Variants in ROPN1L observed in about 807,000 individuals in gnomAD.
ROPN1L encodes ropporin-1-like protein.
A neutral mutation model predicts 22.7 loss-of-function variants in ROPN1L; 23 were observed. That is an observed-to-expected ratio of 1.01 (90% CI 0.73 to 1.43). ROPN1L has a LOEUF of 1.43. Among genes scored for constraint, ROPN1L ranks in the 40% most tolerant of loss-of-function variants. ROPN1L has a pLI of 0.00. For missense variants in ROPN1L, 271 were observed against 291.5 expected, an observed-to-expected ratio of 0.93 and a Z score of 0.51; for synonymous variants, 116 against 117.8, an observed-to-expected ratio of 0.98 and a Z score of 0.10.
chr5:10,473,511 C>T (rs186512830), downstream of ROPN1L, among the ~76,000 whole-genome samples: 1 of 152,242 alleles, frequency 6.6e-6, no homozygotes, highest in East Asian at 1.9e-4. Context: ...AGGGTCCTGC[C>T]GATACCTTGA....
chr5:10,453,207 T>C (rs1049557041), intron 3 of ROPN1L, among the ~76,000 whole-genome samples: 13 of 152,192 alleles, frequency 8.5e-5, no homozygotes, highest in African/African-American at 3.1e-4. Context: ...AGCTGACCTC[T>C]CCTCCCTCAG....
chr5:10,444,770 G>A lies in ROPN1L; in HGVS notation c.131+2472G>A, dbSNP rs141396508. Reference sequence around the variant, plus strand: ...AAAAATTAGCTTGGTGTGGTGGCACGCATCTGTAGTCCCAGTTACATGGGA... The same window carrying A: ...AAAAATTAGCTTGGTGTGGTGGCACACATCTGTAGTCCCAGTTACATGGGA... On this transcript the variant is annotated intron_variant, in intron 1 of 4. Transcript: ENST00000274134. Among the ~76,000 whole-genome samples, 142 of 151,218 alleles carry A rather than the reference G, an allele frequency of 9.4e-4. 2 individuals carry two copies. In the East Asian group the frequency reaches 0.023, roughly 25 times the overall value.
intron 3 of ROPN1L, among the ~76,000 whole-genome samples, chr5:10,452,315 CTGTGTGTGTG>C (rs70947209): frequency 1.6e-5 from 2 of 125,462 alleles, no homozygotes; most frequent in Admixed American, 8.3e-5. Flanking sequence ...GTGTGTGTGT[CTGTGTGTGTG>C]TGTGTGTGTG....
At position 10,470,158 on chromosome 5, in the gene ROPN1L, G is replaced by A. The variant is rs541670208; in HGVS notation, n.886-1652G>A. Among the ~76,000 whole-genome samples, 252 of 152,308 alleles carry A rather than the reference G, an allele frequency of 1.7e-3. 1 individual carries two copies. Among genetic ancestry groups the A allele is most frequent in the Non-Finnish European group, 2.9e-3 (198 of 68,022 alleles). On this transcript the variant is annotated intron_variant and non_coding_transcript_variant, in intron 4 of 4. Coordinates refer to the ROPN1L transcript ENST00000510520. The stretch of plus-strand genomic sequence containing the variant: ...CAAGTCTTAAACATTCTCAGAGGTC[G>A]ATGAAACCCTTGTCAGCCTGCGGCT...
Position 10,442,245 on chromosome 5 carries a change from C to T in ROPN1L, c.78C>T (p.Phe26=). ...AGCTGCCGGACATCCTGAAGCAATT[C>T]ACCAAGGCTGCCATCCGCACCCAGC... The part of the protein sequence containing the change: ...PPELPDILKQ[F]TKAAIRTQPA... The change falls in exon 1 of 5, where the codon TTC becomes TTT. Residue 26 remains phenylalanine, a synonymous_variant. Coordinates refer to ENST00000274134, the MANE Select transcript of ROPN1L (RefSeq NM_031916.5). The T allele has an allele frequency of 6.2e-7, 1 of 1,613,850 alleles. No homozygotes were observed. Among genetic ancestry groups the T allele is most frequent in the Non-Finnish European group, 8.5e-7 (1 of 1,179,920 alleles).
downstream of ROPN1L, among the ~76,000 whole-genome samples, chr5:10,468,604 T>A (rs762412457): frequency 3.3e-5 from 5 of 152,242 alleles, no homozygotes; most frequent in Admixed American, 2.6e-4. Context: ...TTATTGCAAA[T>A]ATCATTAACT....
the ROPN1L span, among the ~76,000 whole-genome samples, chr5:10,477,740 G>A: frequency 3.3e-3 from 501 of 152,210 alleles, 2 homozygotes; most frequent in Non-Finnish European, 3.8e-3. Flanking sequence ...GACCAGCCTG[G>A]GCAACATGGT....
At chr5:10,464,720 A>G in intron 4 of ROPN1L, 128 bp from the exon 5 acceptor site, 2 of 551,948 alleles carry the variant, frequency 3.6e-6, no homozygotes, top group Non-Finnish European at 6.4e-6. Context: ...GGAAGTAAGA[A>G]TTACTGATGA....
intron 4 of ROPN1L, among the ~76,000 whole-genome samples, chr5:10,464,493 C>T: frequency 6.6e-6 from 1 of 152,238 alleles, no homozygotes; most frequent in East Asian, 1.9e-4. Flanking sequence ...CCACCTGGGA[C>T]ATGGGTGGTT....
intron 3 of ROPN1L, among the ~76,000 whole-genome samples, chr5:10,456,636 C>T (rs1236680286): frequency 6.6e-6 from 1 of 152,216 alleles, no homozygotes; most frequent in Non-Finnish European, 1.5e-5. Flanking sequence ...GTGCAAGTGA[C>T]TGTGCCACCC....
At chr5:10,481,559 G>A in the ROPN1L span, among the ~76,000 whole-genome samples, 1 of 152,218 alleles carries the variant, frequency 6.6e-6, no homozygotes, top group African/African-American at 2.4e-5. Flanking sequence ...GTTAGTACTG[G>A]GTGGGGCAGT....
the ROPN1L span, among the ~76,000 whole-genome samples, chr5:10,477,527 C>T: frequency 6.6e-6 from 1 of 152,170 alleles, no homozygotes; most frequent in Non-Finnish European, 1.5e-5. Flanking sequence ...TCAAGACTCT[C>T]TCAGGACCTG....
At chr5:10,465,576 G>T (rs1038967507), downstream of ROPN1L, among the ~76,000 whole-genome samples, 1 of 151,784 alleles carries the variant, frequency 6.6e-6, no homozygotes, top group African/African-American at 2.4e-5. Flanking sequence ...TTGGTCAGGC[G>T]CAGTGGCTCA....
At chr5:10,477,004 G>A (rs1735328033), downstream of ROPN1L, among the ~76,000 whole-genome samples, 1 of 152,354 alleles carries the variant, frequency 6.6e-6, no homozygotes, top group Non-Finnish European at 1.5e-5. Flanking sequence ...CAGACATGCA[G>A]TCTCTGCTGC....
At chr5:10,474,339 A>G (rs1363056820), downstream of ROPN1L, among the ~76,000 whole-genome samples, 1 of 152,172 alleles carries the variant, frequency 6.6e-6, no homozygotes, top group Non-Finnish European at 1.5e-5. Context: ...GGGACAGTAC[A>G]TGGTGGGACA....
chr5:10,461,059 A>G, intron 3 of ROPN1L, 125 bp from the exon 4 acceptor site: 1 of 797,582 alleles, frequency 1.3e-6, no homozygotes. Flanking sequence ...GTTCAGATGG[A>G]GCACATACTT....
intron 3 of ROPN1L, among the ~76,000 whole-genome samples, chr5:10,459,403 A>G (rs1422346881): frequency 1.4e-5 from 2 of 146,644 alleles, no homozygotes; most frequent in Non-Finnish European, 3.0e-5. Context: ...CTCTTCACAC[A>G]TCGGCAGAAG....
chr5:10,455,558 G>T (rs537498344), intron 3 of ROPN1L, among the ~76,000 whole-genome samples: 1 of 152,172 alleles, frequency 6.6e-6, no homozygotes, highest in Non-Finnish European at 1.5e-5. Flanking sequence ...TGCCCTGTCC[G>T]CTGGAGATTC....
chr5:10,476,408 T>A (rs2962318), downstream of ROPN1L, among the ~76,000 whole-genome samples: 4 of 152,270 alleles, frequency 2.6e-5, no homozygotes, highest in East Asian at 5.8e-4. Context: ...AAAAGTTCTT[T>A]TAGTGCTGAA....
Sources: allele counts gnomAD v4.1 joint callset (sites outside exome capture counted in the v4.1 genomes callset), GRCh38; gene constraint gnomAD v4.1.1; transcripts MANE v1.5; gene names NCBI Gene and HGNC (gene_info 2026-07-23, HGNC 2026-07-21).